CDC42BPB: variants seen among roughly 807,000 people sequenced by gnomAD.
CDC42BPB encodes CDC42 binding protein kinase beta.
A neutral mutation model predicts 214.9 loss-of-function variants in CDC42BPB; 37 were observed. That is an observed-to-expected ratio of 0.17 (90% CI 0.13 to 0.23). The LOEUF is 0.23. Among genes scored for constraint, CDC42BPB ranks in the 10% least tolerant of loss-of-function variants. The pLI is 1.00. For missense variants in CDC42BPB, 1,694 were observed against 2,227.0 expected (o/e 0.76, Z 4.82); for synonymous variants, 931 against 884.0 (o/e 1.05, Z -0.94).
chr14:103,009,076 C>T (rs1025196216), intron 2 of CDC42BPB, among the ~76,000 whole-genome samples: 4 of 152,226 alleles, frequency 2.6e-5, no homozygotes, highest in African/African-American at 7.2e-5. Flanking sequence ...TTCCACCCTA[C>T]GTAAGTCACT....
chr14:102,995,948 T>C (rs1894709605), intron 5 of CDC42BPB, among the ~76,000 whole-genome samples: 1 of 152,260 alleles, frequency 6.6e-6, no homozygotes. Flanking sequence ...GCACTCAGTC[T>C]GAATAATGAG....
At chr14:102,939,798 G>A in intron 33 of CDC42BPB, 32 bp downstream of exon 33, 2 of 1,614,010 alleles carry the variant, frequency 1.2e-6, no homozygotes, top group African/African-American at 1.3e-5. Flanking sequence ...CTAGAGCGAG[G>A]CCCAGCAGGC....
At position 102,968,310 on chromosome 14, in the gene CDC42BPB, T is replaced by G; in HGVS notation, c.2289A>C (p.Glu763Asp). ...EAVGTIKDKY[E>D]RERAMLFDEN... ...CATCAAACAGCATCGCTCTTTCTCG[T>G]TCGTATTTATCTTTTATTGTACCTA... The change falls in exon 16 of 37, where the codon GAA becomes GAC. Residue 763 changes from glutamate (E) to aspartate (D), a missense_variant. Coordinates refer to ENST00000361246, the MANE Select transcript of CDC42BPB (RefSeq NM_006035.4). The G allele has an allele frequency of 6.2e-7, 1 of 1,614,104 alleles. No homozygotes were observed. The highest frequency in any genetic ancestry group is 1.1e-5 in the South Asian group (1 of 91,058).
rs916001886 is a variant in CDC42BPB at position 102,967,224 on chromosome 14, T to C, written c.2347-54A>G. 5.5e-5 allele frequency: 86 copies of C among 1,570,324 alleles called. No homozygotes were observed. In the South Asian group the frequency reaches 9.4e-4, roughly 17 times the overall value. On this transcript the variant is annotated intron_variant, in intron 16 of 36. Coordinates refer to ENST00000361246, the MANE Select transcript of CDC42BPB (RefSeq NM_006035.4). Reference sequence around the variant, plus strand: ...TTGTTAATCGGGCATCCTTTAAGTATGCTGGATTTAACACTGGAAGTTCTT... The same window carrying C: ...TTGTTAATCGGGCATCCTTTAAGTACGCTGGATTTAACACTGGAAGTTCTT...
chr14:103,010,759 C>T (rs780025481), intron 2 of CDC42BPB, among the ~76,000 whole-genome samples: 1 of 152,192 alleles, frequency 6.6e-6, no homozygotes, highest in Admixed American at 6.5e-5. Flanking sequence ...TGGCCAGGCG[C>T]GGTGGCTCAC....
rs772645513 is a variant in CDC42BPB at position 103,021,463 on chromosome 14, C to CA, written c.176-9276dup. ...CCTGGGTGACAGAGTGAGACTGTCTCAAAAAAAAAAAGACATCAAGGCCAT... is the reference window on the plus strand; with the variant it reads ...CCTGGGTGACAGAGTGAGACTGTCTCAAAAAAAAAAAAGACATCAAGGCCAT... On this transcript the variant is annotated intron_variant, in intron 1 of 36. Coordinates refer to ENST00000361246, the MANE Select transcript of CDC42BPB (RefSeq NM_006035.4). 2.9e-3 allele frequency among the ~76,000 whole-genome samples: 405 copies of CA among 138,810 alleles called. 1 individual carries two copies. Among genetic ancestry groups the CA allele is most frequent in the Middle Eastern group, 0.011 (3 of 262 alleles). The allele number at this position is 138,810 out of a possible 152,430, so 91.1% of individuals were successfully genotyped here. A position where few individuals can be genotyped will look rare whatever the true frequency, so the allele number is the denominator to read the frequency against.
chr14:103,020,094 C>T (rs983107760), intron 1 of CDC42BPB, among the ~76,000 whole-genome samples: 6 of 152,228 alleles, frequency 3.9e-5, no homozygotes, highest in Admixed American at 2.0e-4. Context: ...TTCCCCTGTC[C>T]GGCAGAAGCT....
intron 20 of CDC42BPB, among the ~76,000 whole-genome samples, chr14:102,962,437 A>G (rs1893003322): frequency 6.6e-6 from 1 of 152,262 alleles, no homozygotes; most frequent in Non-Finnish European, 1.5e-5. Context: ...GGCAGCGCAC[A>G]GTGCAGCTGC....
At chr14:102,945,323 A>G (rs1385411768) in intron 29 of CDC42BPB, 1 of 471,704 alleles carries the variant, frequency 2.1e-6, no homozygotes, top group Non-Finnish European at 4.2e-6. Context: ...CTCGCTGGGA[A>G]GACTGAAGTG....
At chr14:102,955,753 G>A (rs923852755) in intron 21 of CDC42BPB, among the ~76,000 whole-genome samples, 3 of 152,246 alleles carry the variant, frequency 2.0e-5, no homozygotes, top group Non-Finnish European at 4.4e-5. Flanking sequence ...GCAAGTGTTA[G>A]CACCAGCAAG....
At chr14:102,954,404 T>C (rs1431789022) in intron 22 of CDC42BPB, 129 bp from the exon 23 acceptor site, 21 of 1,443,078 alleles carry the variant, frequency 1.5e-5, no homozygotes, top group South Asian at 1.5e-5. Flanking sequence ...TTTGCTACAA[T>C]GTTGAGACAT....
At chr14:103,022,993 AT>A (rs527909458) in intron 1 of CDC42BPB, among the ~76,000 whole-genome samples, 34 of 150,020 alleles carry the variant, frequency 2.3e-4, no homozygotes, top group East Asian at 2.0e-3. Context: ...AGATATAGCT[AT>A]TTTTTTTCTT....
intron 1 of CDC42BPB, chr14:103,041,936 C>A: frequency 5.3e-6 from 2 of 380,910 alleles, no homozygotes; most frequent in East Asian, 7.7e-5. Context: ...ATGCCCATCC[C>A]AAACGTCTGT....
At chr14:102,995,358 T>C (rs1227610529) in intron 5 of CDC42BPB, among the ~76,000 whole-genome samples, 1 of 152,182 alleles carries the variant, frequency 6.6e-6, no homozygotes, top group Non-Finnish European at 1.5e-5. Context: ...GTATTTTTAG[T>C]AGAGACAGGT....
Position 102,970,133 on chromosome 14 carries a change from AC to A in CDC42BPB, c.1995+17del, listed in dbSNP as rs1320210669. On this transcript the variant is annotated intron_variant, in intron 14 of 36. Transcript: ENST00000361246. ...GCATCCCTCTCAGTTAAGGGCAGAG[AC>A]CCCCGCCCAGCACTACCTTGAGGGC... 9 of 1,582,150 alleles carry A rather than the reference AC, an allele frequency of 5.7e-6. No individual in the cohort carries two copies. The highest frequency in any genetic ancestry group is 1.3e-5 in the African/African-American group (1 of 74,188).
At position 102,943,001 on chromosome 14, in the gene CDC42BPB, TG is replaced by T. The variant is rs1177622112; in HGVS notation, c.4408+889del. Among the ~76,000 whole-genome samples, 3 of 152,238 alleles carry T rather than the reference TG, an allele frequency of 2.0e-5. No homozygotes were observed. The highest frequency in any genetic ancestry group is 2.9e-5 in the Non-Finnish European group (2 of 68,052). Reference sequence around the variant, plus strand: ...CTCCTGCCTCAGCCTCCTGAGTAGCTGGGACTACAGGCGCCCGCCACCACGC... The same window carrying T: ...CTCCTGCCTCAGCCTCCTGAGTAGCTGGACTACAGGCGCCCGCCACCACGC... On this transcript the variant is annotated intron_variant, in intron 30 of 36. Transcript: ENST00000361246. This position sits in a 1 kb window ranked among gnomAD's most constrained non-coding sequence, Gnocchi z 4.6.
intron 29 of CDC42BPB, chr14:102,945,058 G>A: frequency 3.0e-6 from 1 of 330,198 alleles, no homozygotes; most frequent in South Asian, 2.3e-5. Context: ...CGCTTGCTCA[G>A]ATCTCCCCAC....
At chr14:103,055,274 TGA>T in intron 1 of CDC42BPB, among the ~76,000 whole-genome samples, 1 of 152,196 alleles carries the variant, frequency 6.6e-6, no homozygotes, top group East Asian at 1.9e-4. Context: ...AATACAAAAA[TGA>T]GCCGGGCATG....
At chr14:102,993,966 A>G (rs945396177) in intron 5 of CDC42BPB, among the ~76,000 whole-genome samples, 2 of 152,234 alleles carry the variant, frequency 1.3e-5, no homozygotes, top group Admixed American at 6.5e-5. Flanking sequence ...CAATTCAGAG[A>G]AATGGAGAAA....
Sources: allele counts gnomAD v4.1 joint callset (sites outside exome capture counted in the v4.1 genomes callset), GRCh38; gene constraint gnomAD v4.1.1; non-coding constraint Gnocchi (gnomAD v3.1); transcripts MANE v1.5; gene names NCBI Gene and HGNC (gene_info 2026-07-23, HGNC 2026-07-21).